The following KIR3DL3 variants were observed in gnomAD, a reference collection of about 807,000 sequenced individuals.
KIR3DL3 encodes killer cell immunoglobulin like receptor, three Ig domains and long cytoplasmic tail 3, also known as killer cell immunoglobulin-like receptor 3DL3.
KIR3DL3 carries 27 observed loss-of-function variants against 34.9 expected under a neutral mutation model. That is an observed-to-expected ratio of 0.77 (90% CI 0.57 to 1.07). KIR3DL3 has a LOEUF of 1.07. Among genes scored for constraint, KIR3DL3 ranks in the 50% least tolerant of loss-of-function variants. KIR3DL3 has a pLI of 0.00. For missense variants in KIR3DL3, 681 were observed against 528.5 expected, an observed-to-expected ratio of 1.29 and a Z score of -2.83; for synonymous variants, 217 against 200.2, an observed-to-expected ratio of 1.08 and a Z score of -0.71.
rs1275185623 is a variant in KIR3DL3, at chr19:54,729,924, G to A, written c.949+138G>A. On this transcript the variant is annotated intron_variant, in intron 5 of 7. Coordinates refer to ENST00000291860, the MANE Select transcript of KIR3DL3 (RefSeq NM_153443.5). ...ATGGGTGTAAGGGCGGGGTCAGGGC[G>A]CAGGATGGCAGACAGGGCACCTCCA... 2.5e-4 allele frequency: 138 copies of A among 557,762 alleles called. 10 individuals are homozygous for A. Among genetic ancestry groups the A allele is most frequent in the Non-Finnish European group, 3.6e-4 (126 of 351,576 alleles). 34.6% of individuals were successfully genotyped at this position (557,762 alleles called of 1,614,324 possible). A position where few individuals can be genotyped will look rare whatever the true frequency, so the allele number is the denominator to read the frequency against.
chr19:54,726,563 A>T (rs2068211015), intron 3 of KIR3DL3, among the ~76,000 whole-genome samples: 1 of 145,328 alleles, frequency 6.9e-6, no homozygotes, highest in African/African-American at 2.5e-5. Flanking sequence ...AGGGCAGGGG[A>T]CTGAAGAGGA....
At position 54,729,483 on chromosome 19, in the gene KIR3DL3, C is replaced by T; in HGVS notation, c.656-10C>T. Reference sequence around the variant, plus strand: ...AACCTCCCTGAGGAAACCACCTCTTCTTCTTCCAGGTCTATATGGGAAACC... The same window carrying T: ...AACCTCCCTGAGGAAACCACCTCTTTTTCTTCCAGGTCTATATGGGAAACC... On this transcript the variant is annotated splice_polypyrimidine_tract_variant and intron_variant, in intron 4 of 7. Transcript: ENST00000291860. 11 of 1,567,262 alleles carry T rather than the reference C, an allele frequency of 7.0e-6. No homozygotes were observed. The highest frequency in any genetic ancestry group is 9.4e-6 in the Non-Finnish European group (11 of 1,165,194).
intron 4 of KIR3DL3, among the ~76,000 whole-genome samples, 169 bp downstream of exon 4, chr19:54,728,079 C>CAT (rs2068400329): frequency 1.3e-5 from 2 of 151,906 alleles, no homozygotes; most frequent in African/African-American, 2.4e-5. Flanking sequence ...GACACAAGTA[C>CAT]AGACCTCATG....
rs2069342862 is a variant in KIR3DL3 at position 54,735,174 on chromosome 19, G to C, written c.950-79G>C. On this transcript the variant is annotated intron_variant, in intron 5 of 7. Coordinates refer to ENST00000291860, the MANE Select transcript of KIR3DL3 (RefSeq NM_153443.5). ...AAAGAGACGTTGTATGTGGTTACCT[G>C]TCAATCAAGAAATGTGAGACAATTC... is the stretch of plus-strand genomic sequence containing the variant. 17 of 1,141,838 alleles carry C rather than the reference G, an allele frequency of 1.5e-5. No homozygotes were observed. The South Asian group carries it at 2.0e-4, about 13-fold the overall frequency. 70.7% of individuals were successfully genotyped at this position (1,141,838 alleles called of 1,614,324 possible). A position where few individuals can be genotyped will look rare whatever the true frequency, so the allele number is the denominator to read the frequency against.
At chr19:54,725,944 G>T in intron 2 of KIR3DL3, 109 bp from the exon 3 acceptor site, 1 of 1,066,884 alleles carries the variant, frequency 9.4e-7, no homozygotes, top group South Asian at 1.5e-5. Context: ...TGGGCACCCA[G>T]GTGTGGTAGG....
intron 4 of KIR3DL3, among the ~76,000 whole-genome samples, chr19:54,728,385 T>G (rs2068432962): frequency 6.8e-6 from 1 of 147,268 alleles, no homozygotes; most frequent in Non-Finnish European, 1.5e-5. Flanking sequence ...TTCCGTGCAG[T>G]GGAGCTGTCA....
At chr19:54,727,172 G>A (rs1163515890) in intron 3 of KIR3DL3, among the ~76,000 whole-genome samples, 2 of 119,702 alleles carry the variant, frequency 1.7e-5, no homozygotes, top group Non-Finnish European at 3.5e-5. Context: ...GAAAGGAGAG[G>A]CTCCCAATCC....
At chr19:54,725,983 C>T (rs2068115252) in intron 2 of KIR3DL3, 70 bp from the exon 3 acceptor site, 1 of 1,360,134 alleles carries the variant, frequency 7.4e-7, no homozygotes, top group African/African-American at 1.5e-5. Context: ...ATGGGAGAAT[C>T]TTCTGAGCAC....
chr19:54,727,459 C>A, intron 3 of KIR3DL3, 152 bp from the exon 4 acceptor site: 1 of 756,258 alleles, frequency 1.3e-6, no homozygotes, highest in Non-Finnish European at 2.1e-6. Context: ...ATGGAGGGAC[C>A]TGCAACAGGG....
At chr19:54,724,911 C>T (rs2067983600) in intron 1 of KIR3DL3, among the ~76,000 whole-genome samples, 1 of 118,522 alleles carries the variant, frequency 8.4e-6, no homozygotes, top group Admixed American at 8.8e-5. Flanking sequence ...AGATATGGGC[C>T]TGGAGTAGAG....
At chr19:54,731,801 A>G (rs1388616335) in intron 5 of KIR3DL3, among the ~76,000 whole-genome samples, 2 of 151,944 alleles carry the variant, frequency 1.3e-5, no homozygotes, top group Non-Finnish European at 1.5e-5. Flanking sequence ...CTCACATGGC[A>G]TCATTCAGAC....
rs543865012 is a variant in KIR3DL3, at chr19:54,735,724, G to C, written c.1055-96G>C. 60 of 1,411,996 alleles carry C rather than the reference G, an allele frequency of 4.2e-5. No homozygotes were observed. In the South Asian group the frequency reaches 5.3e-4, roughly 12 times the overall value. The allele number at this position is 1,411,996 out of a possible 1,614,324, so 87.5% of individuals were successfully genotyped here. On this transcript the variant is annotated intron_variant, in intron 6 of 7. Transcript: ENST00000291860. ...GCTGTTGGCAACTGAGGGACCTCAG[G>C]CACCTATGGCCTCCCCCTGTATGTT...
chr19:54,734,212 G>A (rs376627443), intron 5 of KIR3DL3, among the ~76,000 whole-genome samples: 5 of 151,308 alleles, frequency 3.3e-5, no homozygotes, highest in African/African-American at 7.3e-5. Context: ...AAGCACATTC[G>A]CTGTGTATCA....
At position 54,735,335 on chromosome 19, in the gene KIR3DL3, T is replaced by A; in HGVS notation, c.1032T>A (p.His344Gln). The A allele has an allele frequency of 7.0e-7, 1 of 1,437,840 alleles. No individual in the cohort carries two copies. Among genetic ancestry groups the A allele is most frequent in the South Asian group, 1.2e-5 (1 of 86,332 alleles). The allele number at this position is 1,437,840 out of a possible 1,614,324, so 89.1% of individuals were successfully genotyped here. ...CTATCCTCCTCTTCTTTCTCCTTCA[T>A]CGCTGGTGTGCCAACAAAAAGAGTA... Reference protein sequence around the residue: ...PFAILLFFLLHRWCANKKNAV... With the variant: ...PFAILLFFLLQRWCANKKNAV... Residue 344 changes from histidine (H) to glutamine (Q), a missense_variant, in exon 6 of 8, where the codon CAT (histidine) becomes CAA (glutamine). By Grantham distance (24) the His-to-Gln change is conservative. Coordinates refer to ENST00000291860, the MANE Select transcript of KIR3DL3 (RefSeq NM_153443.5).
intron 6 of KIR3DL3, 123 bp downstream of exon 6, chr19:54,735,480 C>G (rs568091034): frequency 4.2e-5 from 26 of 619,012 alleles, no homozygotes; most frequent in East Asian, 4.0e-4. Context: ...GCCACAGAGG[C>G]AGGACTTTCT....
At chr19:54,725,964 A>C in intron 2 of KIR3DL3, 89 bp from the exon 3 acceptor site, 1 of 1,281,084 alleles carries the variant, frequency 7.8e-7, no homozygotes, top group South Asian at 1.4e-5. Context: ...GAGCCTTAGA[A>C]ACGTGGAAAT....
Position 54,736,381 on chromosome 19 carries a change from C to T in KIR3DL3, c.*285C>T, listed in dbSNP as rs909754396. 5 of 491,968 alleles carry T rather than the reference C, an allele frequency of 1.0e-5. No individual in the cohort carries two copies. Among genetic ancestry groups the T allele is most frequent in the East Asian group, 9.0e-5 (3 of 33,216 alleles). The allele number at this position is 491,968 out of a possible 1,614,324, so 30.5% of individuals were successfully genotyped here. On this transcript the variant is annotated 3_prime_UTR_variant, in exon 8 of 8. Transcript: ENST00000291860. ...CACACTTGCTTAGCCCACAATTCTC[C>T]ATTTCACTTGACCCCTGCCCACCTC...
Position 54,735,339 on chromosome 19 carries a change from T to C in KIR3DL3, c.1036T>C (p.Trp346Arg), listed in dbSNP as rs752114211. 1.4e-6 allele frequency: 2 copies of C among 1,424,348 alleles called. No individual in the cohort carries two copies. The highest frequency in any genetic ancestry group is 1.4e-5 in the African/African-American group (1 of 69,222). 88.2% of individuals were successfully genotyped at this position (1,424,348 alleles called of 1,614,324 possible). A position where few individuals can be genotyped will look rare whatever the true frequency, so the allele number is the denominator to read the frequency against. ...CCTCCTCTTCTTTCTCCTTCATCGCTGGTGTGCCAACAAAAAGAGTAAGTC... is the reference window on the plus strand; with the variant it reads ...CCTCCTCTTCTTTCTCCTTCATCGCCGGTGTGCCAACAAAAAGAGTAAGTC... ...AILLFFLLHR[W>R]CANKKNAVVM... is the part of the protein sequence containing the mutation. The change falls in exon 6 of 8, where the codon TGG becomes CGG. Residue 346 changes from tryptophan (W) to arginine (R), a missense_variant. By Grantham distance (101) the Trp-to-Arg change is moderately radical (BLOSUM62 -3). Transcript: ENST00000291860.
rs367886097 is a variant in KIR3DL3 at position 54,727,776 on chromosome 19, C to G, written c.521C>G (p.Ala174Gly). The change falls in exon 4 of 8, where the codon GCG becomes GGG. Residue 174 changes from alanine to glycine, a missense_variant. Ala to Gly is a moderately conservative substitution (Grantham distance 60). Transcript: ENST00000291860. ...PLRLVGQLHD[A>G]GSQVNYSMGP... ...CGCCTCGTTGGACAGCTCCACGATG[C>G]GGGTTCCCAGGTCAACTATTCCATG... 6.2e-7 allele frequency: 1 copy of G among 1,613,532 alleles called. No individual in the cohort carries two copies. Among genetic ancestry groups the G allele is most frequent in the Non-Finnish European group, 8.5e-7 (1 of 1,179,862 alleles).
Sources: gnomAD v4.1 joint callset for allele counts (sites outside exome capture counted in the v4.1 genomes callset) on GRCh38, gnomAD v4.1.1 for gene constraint, MANE v1.5 for transcripts, NCBI Gene and HGNC (gene_info 2026-07-23, HGNC 2026-07-21) for gene names.